The following KDM1A variants were observed in gnomAD, a reference collection of about 807,000 sequenced individuals.
KDM1A encodes lysine-specific histone demethylase 1A.
KDM1A carries 49 observed loss-of-function variants against 109.4 expected under a neutral mutation model. The observed-to-expected ratio is 0.45, with a 90% CI of 0.36 to 0.57. The LOEUF (loss-of-function observed/expected upper bound fraction) is 0.57, where lower values mean the gene tolerates loss of function less well. Among genes scored for constraint, KDM1A ranks in the 20% least tolerant of loss-of-function variants. KDM1A has a pLI of 0.00. For missense variants in KDM1A, 668 were observed against 1,116.6 expected (o/e 0.60, Z 5.73); for synonymous variants, 380 against 415.4 (o/e 0.91, Z 1.04).
intron 4 of KDM1A, among the ~76,000 whole-genome samples, chr1:23,051,284 G>A (rs772750890): frequency 1.3e-5 from 2 of 152,068 alleles, no homozygotes; most frequent in African/African-American, 2.4e-5. Context: ...ATTTGTTGCC[G>A]ATTTTGCTTT....
rs1431043240 is a variant in KDM1A, at chr1:23,032,012, C to G, written c.517+1378C>G. On this transcript the variant is annotated intron_variant, in intron 2 of 20. Coordinates refer to ENST00000400181, the MANE Select transcript of KDM1A (RefSeq NM_001009999.3). ...TCTTTCTAGTCTTATACATTTAGCT[C>G]TCTTCCTTCTGTTCTTACCTCCAAC... 3.3e-5 allele frequency among the ~76,000 whole-genome samples: 5 copies of G among 152,222 alleles called. No individual in the cohort carries two copies. The East Asian group carries it at 5.8e-4, about 18-fold the overall frequency.
chr1:23,080,698 G>A (rs80072016), intron 18 of KDM1A, among the ~76,000 whole-genome samples: 29 of 152,242 alleles, frequency 1.9e-4, no homozygotes, highest in Non-Finnish European at 3.2e-4. Context: ...AGGCCTGGGG[G>A]TGCTGCTTCT....
At chr1:23,078,957 C>T (rs773548183) in intron 16 of KDM1A, 33 bp from the exon 17 acceptor site, 64 of 1,577,276 alleles carry the variant, frequency 4.1e-5, no homozygotes, top group Non-Finnish European at 5.4e-5. Flanking sequence ...CCATATTCAT[C>T]ACCACTAGTC....
In KDM1A at chr1:23,076,964, C is replaced by CAA. The variant is rs11406578; in HGVS notation, c.1735-250_1735-249dup. 6.5e-3 allele frequency among the ~76,000 whole-genome samples: 934 copies of CAA among 143,164 alleles called. 7 individuals carry two copies. The highest frequency in any genetic ancestry group is 8.9e-3 in the Non-Finnish European group (585 of 65,948). The allele number at this position is 143,164 out of a possible 152,430, so 93.9% of individuals were successfully genotyped here. A position where few individuals can be genotyped will look rare whatever the true frequency, so the allele number is the denominator to read the frequency against. On this transcript the variant is annotated intron_variant, in intron 15 of 20. Transcript: ENST00000400181. ...TGGATGACAAAGCAAGACTCTGTAT[C>CAA]AAAAAAAAAAAAAAATCCAGGGACA... is the stretch of plus-strand genomic sequence containing the variant.
intron 3 of KDM1A, among the ~76,000 whole-genome samples, chr1:23,049,777 A>G (rs965304471): frequency 9.2e-5 from 14 of 152,020 alleles, no homozygotes; most frequent in African/African-American, 3.1e-4. Flanking sequence ...ATACATAGTA[A>G]TATTAGTAGT....
At chr1:23,056,817 G>C (rs527673306) in intron 7 of KDM1A, among the ~76,000 whole-genome samples, 13 of 150,500 alleles carry the variant, frequency 8.6e-5, no homozygotes, top group Non-Finnish European at 1.6e-4. Context: ...ATTTTTGTTT[G>C]TTTGTTTGGA....
intron 2 of KDM1A, among the ~76,000 whole-genome samples, chr1:23,041,216 G>T (rs968707742): frequency 6.6e-5 from 10 of 152,082 alleles, no homozygotes; most frequent in African/African-American, 1.9e-4. Context: ...GGAGAAGTAG[G>T]CATCTTCAAA....
At chr1:23,025,331 T>C (rs1041477849) in intron 1 of KDM1A, among the ~76,000 whole-genome samples, 2 of 12,548 alleles carry the variant, frequency 1.6e-4, no homozygotes, top group Non-Finnish European at 7.9e-4. Flanking sequence ...GATGAAAGAT[T>C]TTTTTTTTTT....
rs1256010214 is a variant in KDM1A, at chr1:23,073,368, C to G, written c.1699C>G (p.Pro567Ala). The G allele has an allele frequency of 1.2e-6, 2 of 1,610,762 alleles. No homozygotes were observed. The highest frequency in any genetic ancestry group is 1.7e-6 in the Non-Finnish European group (2 of 1,177,132). ...AAATCTTGAATTTGCTAATGCCACA[C>G]CTCTCTCAACTCTCTCCCTTAAGCA... The part of the protein sequence containing the change: ...FANLEFANAT[P>A]LSTLSLKHWD... Residue 567 changes from proline to alanine, a missense_variant, in exon 15 of 21, where the codon CCT (proline) becomes GCT (alanine). Physicochemically the swap from Pro to Ala is conservative, Grantham distance 27 (BLOSUM62 -1). This residue lies in a region of KDM1A where 162 missense variants were observed against 376.4 expected (regional missense o/e 0.43). Coordinates refer to ENST00000400181, the MANE Select transcript of KDM1A (RefSeq NM_001009999.3).
At chr1:23,048,969 G>A (rs1287908309) in intron 3 of KDM1A, among the ~76,000 whole-genome samples, 1 of 151,078 alleles carries the variant, frequency 6.6e-6, no homozygotes, top group Admixed American at 6.6e-5. Context: ...GCCAACATGG[G>A]GAAACCCTGT....
At chr1:23,072,363 C>G (rs1301520036) in intron 14 of KDM1A, among the ~76,000 whole-genome samples, 166 bp downstream of exon 14, 2 of 152,090 alleles carry the variant, frequency 1.3e-5, no homozygotes, top group Non-Finnish European at 2.9e-5. Context: ...TCTAAATCCC[C>G]TGCTCCTGTA....
In KDM1A at chr1:23,071,130, G is replaced by A. The variant is rs143763601; in HGVS notation, c.1414-95G>A. On this transcript the variant is annotated intron_variant, in intron 12 of 20. Transcript: ENST00000400181. ...TTGCATTGTAGCCCTGTTTTGTTGG[G>A]ATAGCAGTTTTGAGGAGCCAAAAAA... 2,943 of 931,786 alleles carry A rather than the reference G, an allele frequency of 3.2e-3. 47 individuals are homozygous for A. In the African/African-American group the frequency reaches 0.043, roughly 14 times the overall value. The allele number at this position is 931,786 out of a possible 1,614,324, so 57.7% of individuals were successfully genotyped here. A position where few individuals can be genotyped will look rare whatever the true frequency, so the allele number is the denominator to read the frequency against.
chr1:23,041,401 C>G (rs1197303872), intron 2 of KDM1A, among the ~76,000 whole-genome samples: 1 of 144,596 alleles, frequency 6.9e-6, no homozygotes, highest in Non-Finnish European at 1.5e-5. Flanking sequence ...TTCTACTCCT[C>G]TGCTTAAATA....
At chr1:23,074,096 A>G (rs1379127665) in intron 15 of KDM1A, among the ~76,000 whole-genome samples, 1 of 152,198 alleles carries the variant, frequency 6.6e-6, no homozygotes, top group Non-Finnish European at 1.5e-5. Context: ...TGAAAATTCC[A>G]TTTTCTCCAA....
intron 2 of KDM1A, among the ~76,000 whole-genome samples, chr1:23,032,785 G>T (rs920615556): frequency 2.6e-5 from 4 of 152,182 alleles, no homozygotes; most frequent in Admixed American, 2.0e-4. Context: ...TAAATATTTG[G>T]ACACTGTGCA....
At chr1:23,029,901 G>T (rs1569637652) in intron 1 of KDM1A, among the ~76,000 whole-genome samples, 1 of 152,176 alleles carries the variant, frequency 6.6e-6, no homozygotes, top group African/African-American at 2.4e-5. Context: ...CAGCCCCCCA[G>T]AGTGCTGGGA....
In KDM1A at chr1:23,079,895, G is replaced by C. The variant is rs1156639337; in HGVS notation, c.2170+228G>C. ...GAAGCAGGCTTAGAACAGGGCAGTA[G>C]GTGGCCTGATGGGCTGAACGCCCAG... is the stretch of plus-strand genomic sequence containing the variant. On this transcript the variant is annotated intron_variant, in intron 18 of 20. Transcript: ENST00000400181. This position sits in a 1 kb window ranked among gnomAD's most constrained non-coding sequence, Gnocchi z 5.6. 6.6e-6 allele frequency among the ~76,000 whole-genome samples: 1 copy of C among 152,194 alleles called. No homozygotes were observed. Among genetic ancestry groups the C allele is most frequent in the African/African-American group, 2.4e-5 (1 of 41,434 alleles).
intron 2 of KDM1A, among the ~76,000 whole-genome samples, chr1:23,031,795 T>G (rs1366391981): frequency 6.6e-6 from 1 of 152,198 alleles, no homozygotes. Context: ...AGATTCTGGT[T>G]TCAGTTCATT....
At position 23,079,405 on chromosome 1, in the gene KDM1A, A is replaced by C; in HGVS notation, c.2056-148A>C. On this transcript the variant is annotated intron_variant, in intron 17 of 20. Coordinates refer to ENST00000400181, the MANE Select transcript of KDM1A (RefSeq NM_001009999.3). This position sits in a 1 kb window ranked among gnomAD's most constrained non-coding sequence, Gnocchi z 5.6. ...GGGGTCATTTCACAAACTCAGGCCTATAAAAAGGGGATCGTAAATGTCATC... is the reference window on the plus strand; with the variant it reads ...GGGGTCATTTCACAAACTCAGGCCTCTAAAAAGGGGATCGTAAATGTCATC... The C allele has an allele frequency of 1.4e-6, 1 of 713,760 alleles. No homozygotes were observed. 44.2% of individuals were successfully genotyped at this position (713,760 alleles called of 1,614,324 possible).
Sources: gnomAD v4.1 joint callset for allele counts (sites outside exome capture counted in the v4.1 genomes callset) on GRCh38, gnomAD v4.1.1 for gene constraint, gnomAD v4.1.1 regional missense constraint, Gnocchi (gnomAD v3.1) non-coding constraint, MANE v1.5 for transcripts, NCBI Gene and HGNC (gene_info 2026-07-23, HGNC 2026-07-21) for gene names.